Variants in CSMD1 observed in about 807,000 individuals in gnomAD.
The protein encoded by CSMD1 is CUB and sushi domain-containing protein 1.
CSMD1 carries 213 observed loss-of-function variants against 417.5 expected under a neutral mutation model. That is an observed-to-expected ratio of 0.51 (90% confidence interval 0.46 to 0.57). The LOEUF (loss-of-function observed/expected upper bound fraction) is 0.57. CSMD1 is among the 20% of genes least tolerant of loss of function. CSMD1 has a pLI of 0.00. For missense variants in CSMD1, 6,923 were observed against 4,529.7 expected, an observed-to-expected ratio of 1.53 and a Z score of -15.17; for synonymous variants, 2,862 against 1,736.8, an observed-to-expected ratio of 1.65 and a Z score of -16.11.
In CSMD1 at chr8:3,279,725, G is replaced by C. The variant is rs145181131; in HGVS notation, c.4153+4419C>G. Among the ~76,000 whole-genome samples, 140 of 152,242 alleles carry C rather than the reference G, an allele frequency of 9.2e-4. 1 individual carries two copies. The highest frequency in any genetic ancestry group is 3.1e-3 in the African/African-American group (129 of 41,548). On this transcript the variant is annotated intron_variant, in intron 26 of 69. Transcript: ENST00000635120. ...CAGGAAACTTACAATCATGGAGGAA[G>C]GTGAAGGGGAAGCAAAGCACCTTCT...
Position 4,877,186 on chromosome 8 carries a change from C to T in CSMD1, c.85+117146G>A, listed in dbSNP as rs187264831. On this transcript the variant is annotated intron_variant, in intron 1 of 69. Coordinates refer to ENST00000635120, the MANE Select transcript of CSMD1 (RefSeq NM_033225.6). ...TGAAGATGTGTCTTTTGACAATGGC[C>T]CCTGAATGAGTATGCAATGTAGCTG... 2.8e-3 allele frequency among the ~76,000 whole-genome samples: 432 copies of T among 151,814 alleles called. 2 individuals carry two copies. The highest frequency in any genetic ancestry group is 4.7e-3 in the Non-Finnish European group (320 of 67,934).
At chr8:3,447,544 C>A (rs373528405) in intron 12 of CSMD1, among the ~76,000 whole-genome samples, 1 of 152,056 alleles carries the variant, frequency 6.6e-6, no homozygotes, top group Non-Finnish European at 1.5e-5. Context: ...CAGGTGGCAC[C>A]CGGAACCACT....
intron 3 of CSMD1, among the ~76,000 whole-genome samples, chr8:4,226,228 GCAAAAA>G (rs1801346725): frequency 6.6e-6 from 1 of 151,978 alleles, no homozygotes; most frequent in Admixed American, 6.6e-5. Flanking sequence ...AAGGATCCCA[GCAAAAA>G]CAAAAAGTAA....
intron 3 of CSMD1, among the ~76,000 whole-genome samples, chr8:4,234,758 A>C (rs1334021694): frequency 6.6e-6 from 1 of 152,176 alleles, no homozygotes; most frequent in African/African-American, 2.4e-5. Flanking sequence ...GGCTGCTCCC[A>C]GAACAAAAGA....
intron 3 of CSMD1, among the ~76,000 whole-genome samples, chr8:4,399,530 C>T (rs112758415): frequency 6.6e-6 from 1 of 152,246 alleles, no homozygotes; most frequent in South Asian, 2.1e-4. Context: ...AAACTTTCCT[C>T]TCTGAATCCT....
chr8:4,087,054 G>C (rs1800458111), intron 3 of CSMD1, among the ~76,000 whole-genome samples: 2 of 152,188 alleles, frequency 1.3e-5, no homozygotes, highest in South Asian at 4.1e-4. Context: ...ACTGCCTTGG[G>C]CTAGCCCAAG....
chr8:4,764,561 G>T (rs962561190), intron 1 of CSMD1, among the ~76,000 whole-genome samples: 1 of 152,100 alleles, frequency 6.6e-6, no homozygotes, highest in African/African-American at 2.4e-5. Flanking sequence ...CAGCCAAGCT[G>T]CTCTCTAAAA....
chr8:3,306,425 C>T (rs772945217), intron 25 of CSMD1, among the ~76,000 whole-genome samples: 81 of 152,260 alleles, frequency 5.3e-4, no homozygotes, highest in Non-Finnish European at 6.5e-4. Context: ...CCACCCACCT[C>T]GGCCTCCCAA....
chr8:3,624,397 T>G (rs565551984), intron 7 of CSMD1, among the ~76,000 whole-genome samples: 52 of 152,342 alleles, frequency 3.4e-4, no homozygotes, highest in Admixed American at 2.2e-3. Flanking sequence ...AGTTAAACGT[T>G]GATTTATATT....
chr8:4,001,943 A>G (rs952992814), intron 4 of CSMD1, among the ~76,000 whole-genome samples: 8 of 152,326 alleles, frequency 5.3e-5, no homozygotes, highest in East Asian at 1.9e-4. Flanking sequence ...TCTTCAGTAG[A>G]TATGTTAATG....
intron 2 of CSMD1, among the ~76,000 whole-genome samples, chr8:4,489,473 A>T (rs1469296614): frequency 6.6e-6 from 1 of 152,210 alleles, no homozygotes. Context: ...GCTGAGGGGA[A>T]CACCATATGC....
chr8:4,522,140 G>A (rs1261114052), intron 2 of CSMD1, among the ~76,000 whole-genome samples: 1 of 152,072 alleles, frequency 6.6e-6, no homozygotes, highest in Non-Finnish European at 1.5e-5. Flanking sequence ...GAACTATGGA[G>A]GCAAGTCTTT....
chr8:2,969,495 A>G (rs1804250822), intron 57 of CSMD1, among the ~76,000 whole-genome samples: 1 of 152,208 alleles, frequency 6.6e-6, no homozygotes, highest in South Asian at 2.1e-4. Context: ...TTTGAGTTGA[A>G]GAATTTAAAA....
chr8:4,214,631 T>C (rs893402634), intron 3 of CSMD1, among the ~76,000 whole-genome samples: 1 of 152,068 alleles, frequency 6.6e-6, no homozygotes, highest in Non-Finnish European at 1.5e-5. Context: ...AAACACTGAG[T>C]ATGTATTTGC....
intron 5 of CSMD1, among the ~76,000 whole-genome samples, chr8:3,943,189 T>A (rs922898806): frequency 1.3e-5 from 2 of 152,080 alleles, no homozygotes; most frequent in African/African-American, 4.8e-5. Context: ...TGAGGATGTT[T>A]CCTGGTGTTC....
chr8:3,788,621 T>A (rs17327523), intron 5 of CSMD1, among the ~76,000 whole-genome samples: 4,942 of 152,320 alleles, frequency 0.032, 116 homozygotes, highest in Non-Finnish European at 0.046. Flanking sequence ...ATTTAGTTCA[T>A]CTACATTTTA....
At position 4,399,714 on chromosome 8, in the gene CSMD1, T is replaced by G. The variant is rs79117164; in HGVS notation, c.415+20239A>C. ...AAACTCCTTTTGAAAAAAGCAGTTTTACCTTGAATCTAATGAAGACTTTTG... is the reference window on the plus strand; with the variant it reads ...AAACTCCTTTTGAAAAAAGCAGTTTGACCTTGAATCTAATGAAGACTTTTG... On this transcript the variant is annotated intron_variant, in intron 3 of 69. Transcript: ENST00000635120. Among the ~76,000 whole-genome samples, 1,489 of 152,262 alleles carry G rather than the reference T, an allele frequency of 9.8e-3. 34 individuals are homozygous for G. Among genetic ancestry groups the G allele is most frequent in the East Asian group, 0.079 (406 of 5,170 alleles).
At chr8:4,614,569 G>C (rs188640464) in intron 2 of CSMD1, among the ~76,000 whole-genome samples, 4 of 152,128 alleles carry the variant, frequency 2.6e-5, no homozygotes, top group Admixed American at 1.3e-4. Flanking sequence ...TAGAAACCTA[G>C]AACATAGAAC....
At chr8:3,695,468 T>C (rs1800499476) in intron 7 of CSMD1, among the ~76,000 whole-genome samples, 1 of 152,094 alleles carries the variant, frequency 6.6e-6, no homozygotes, top group Non-Finnish European at 1.5e-5. Context: ...TCATGAGAAA[T>C]ACAAATCTGG....
Sources: gnomAD v4.1 joint callset for allele counts (sites outside exome capture counted in the v4.1 genomes callset) on GRCh38, gnomAD v4.1.1 for gene constraint, MANE v1.5 for transcripts, NCBI Gene and HGNC (gene_info 2026-07-23, HGNC 2026-07-21) for gene names.